KHK: variants seen among roughly 807,000 people sequenced by gnomAD.
KHK encodes the protein fructokinase.
Under a neutral mutation model 36.0 loss-of-function variants are expected in KHK, and 37 were observed. The observed-to-expected ratio is 1.03, with a 90% CI of 0.79 to 1.35. The LOEUF is 1.35. Among genes scored for constraint, KHK ranks in the 40% most tolerant of loss-of-function variants. The pLI, the probability that KHK is intolerant of heterozygous loss-of-function variation, is 0.00. For missense variants in KHK, 395 were observed against 391.9 expected (o/e 1.01, Z -0.07); for synonymous variants, 161 against 162.8 (o/e 0.99, Z 0.08).
At position 27,097,613 on chromosome 2, in the gene KHK, AGAG is replaced by A; in HGVS notation, c.532_534del (p.Glu178del). 1.2e-6 allele frequency: 2 copies of A among 1,614,148 alleles called. No individual in the cohort carries two copies. Among genetic ancestry groups the A allele is most frequent in the Non-Finnish European group, 1.7e-6 (2 of 1,180,052 alleles). ...TGTCCGTGGAGGTGGAGAAGCCACG[AGAG>A]GAGCTCTTCCAGCTGTTTGGCTACG... On this transcript the variant is annotated inframe_deletion, in exon 5 of 8. Transcript: ENST00000260598.
chr2:27,097,496 G>A lies in KHK; in HGVS notation c.418-7G>A. The A allele has an allele frequency of 6.2e-7, 1 of 1,613,336 alleles. No homozygotes were observed. Among genetic ancestry groups the A allele is most frequent in the South Asian group, 1.1e-5 (1 of 91,084 alleles). On this transcript the variant is annotated splice_region_variant and splice_polypyrimidine_tract_variant and intron_variant, in intron 4 of 7. Transcript: ENST00000260598. ...CAGCGGTCCTGAGCTGCCCTGTCCT[G>A]TACCAGGGCCGGAACGCATCGGAGC...
chr2:27,098,644 T>C (rs766461826), intron 5 of KHK, among the ~76,000 whole-genome samples: 15 of 152,192 alleles, frequency 9.9e-5, no homozygotes, highest in Non-Finnish European at 2.2e-4. Context: ...ACCAAAACTT[T>C]CTCTGGAGAT....
intron 2 of KHK, among the ~76,000 whole-genome samples, chr2:27,093,066 C>A (rs1289651005): frequency 6.6e-6 from 1 of 152,198 alleles, no homozygotes. Context: ...AGCCCTTTGA[C>A]CCCTGGCGCT....
At position 27,100,651 on chromosome 2, in the gene KHK, G is replaced by T; in HGVS notation, c.*901G>T. 1 of 1,060,564 alleles carries T rather than the reference G, an allele frequency of 9.4e-7. No homozygotes were observed. The highest frequency in any genetic ancestry group is 1.2e-6 in the Non-Finnish European group (1 of 815,944). The allele number at this position is 1,060,564 out of a possible 1,614,324, so 65.7% of individuals were successfully genotyped here. ...ATCACCTTAGGGTACAGCACTTAAC[G>T]CAATCTGCCTCAATTTCTTCATCTG... On this transcript the variant is annotated 3_prime_UTR_variant, in exon 8 of 8. Transcript: ENST00000260598.
Position 27,099,430 on chromosome 2 carries a change from G to C in KHK, c.664G>C (p.Val222Leu). The change falls in exon 7 of 8, where the codon GTC becomes CTC. Residue 222 changes from valine (V) to leucine (L), a missense_variant. Val to Leu is a conservative substitution (Grantham distance 32). Transcript: ENST00000260598. ...YGRVRKGAVL[V>L]CAWAEEGADA... ...GGAGCCGTCTTGCAGGGCTGTGCTTGTCTGTGCCTGGGCTGAGGAGGGCGC... is the reference window on the plus strand; with the variant it reads ...GGAGCCGTCTTGCAGGGCTGTGCTTCTCTGTGCCTGGGCTGAGGAGGGCGC... 2 of 1,613,954 alleles carry C rather than the reference G, an allele frequency of 1.2e-6. No individual in the cohort carries two copies. The highest frequency in any genetic ancestry group is 1.7e-6 in the Non-Finnish European group (2 of 1,179,894).
chr2:27,094,839 G>T lies in KHK; in HGVS notation c.249G>T (p.Val83=). Residue 83 remains valine, a synonymous_variant, in exon 3 of 8, where the codon GTG becomes GTT. Transcript: ENST00000260598. ...VADFRRRGVD[V]SQVAWQSKGD... ...ACTTCAGGCGGCGGGGCGTGGACGT[G>T]TCTCAGGTGGCCTGGCAGAGCAAGG... 1.2e-6 allele frequency: 2 copies of T among 1,614,038 alleles called. No homozygotes were observed. The highest frequency in any genetic ancestry group is 1.7e-6 in the Non-Finnish European group (2 of 1,180,050).
chr2:27,088,160 G>C (rs1033638120), intron 1 of KHK: 2 of 138,822 alleles, frequency 1.4e-5, no homozygotes, highest in Non-Finnish European at 3.0e-5. Flanking sequence ...CCAGGCTGGA[G>C]TGCAGTGGTG....
intron 1 of KHK, among the ~76,000 whole-genome samples, chr2:27,087,598 C>T (rs1275060801): frequency 1.3e-5 from 2 of 150,934 alleles, no homozygotes; most frequent in Non-Finnish European, 1.5e-5. Context: ...CATTTCAACT[C>T]AGGCATCAGG....
intron 1 of KHK, among the ~76,000 whole-genome samples, chr2:27,088,181 C>G (rs1423149327): frequency 1.4e-5 from 2 of 141,248 alleles, no homozygotes; most frequent in African/African-American, 2.6e-5. Context: ...CAACCATGCT[C>G]ACTGCAGCCT....
intron 3 of KHK, among the ~76,000 whole-genome samples, chr2:27,096,303 G>A (rs1053519110): frequency 6.6e-6 from 1 of 152,164 alleles, no homozygotes; most frequent in African/African-American, 2.4e-5. Context: ...CCCAACGCTG[G>A]GGCGCCAGAA....
intron 2 of KHK, chr2:27,094,526 G>A (rs187413849): frequency 9.3e-6 from 15 of 1,614,154 alleles, no homozygotes; most frequent in Middle Eastern, 1.7e-4. Flanking sequence ...ACGCTACACA[G>A]TCTTTCAGAC....
At chr2:27,099,611 G>C in intron 7 of KHK, 34 bp downstream of exon 7, 3 of 1,614,062 alleles carry the variant, frequency 1.9e-6, no homozygotes, top group Non-Finnish European at 2.5e-6. Flanking sequence ...AAAGGACTGG[G>C]ACCTGTCCCT....
At position 27,098,284 on chromosome 2, in the gene KHK, G is replaced by A. The variant is rs147375997; in HGVS notation, c.564+635G>A. On this transcript the variant is annotated intron_variant, in intron 5 of 7. Coordinates refer to ENST00000260598, the MANE Select transcript of KHK (RefSeq NM_006488.3). ...ACTTGTAATCCCAGAGCTTTGGGAA[G>A]CTGAGGTAGGAGGATTGCTTGATGC... 1.7e-4 allele frequency among the ~76,000 whole-genome samples: 26 copies of A among 152,216 alleles called. 1 individual carries two copies. Among genetic ancestry groups the A allele is most frequent in the African/African-American group, 6.3e-4 (26 of 41,530 alleles).
chr2:27,097,593 G>A lies in KHK; in HGVS notation c.508G>A (p.Val170Met), dbSNP rs371146138. ...TCCAGAGCAGAAGATCCGGGTGTCC[G>A]TGGAGGTGGAGAAGCCACGAGAGGA... ...QPPEQKIRVS[V>M]EVEKPREELF... The change falls in exon 5 of 8, where the codon GTG becomes ATG. Residue 170 changes from valine (V) to methionine (M), a missense_variant. Transcript: ENST00000260598. The A allele has an allele frequency of 1.9e-5, 31 of 1,613,974 alleles. No individual in the cohort carries two copies. The highest frequency in any genetic ancestry group is 5.3e-5 in the African/African-American group (4 of 74,948).
At chr2:27,094,392 G>C (rs1039946271) in intron 2 of KHK, 89 of 1,544,196 alleles carry the variant, frequency 5.8e-5, no homozygotes, top group Middle Eastern at 2.3e-4. Flanking sequence ...TGCCTTTCAG[G>C]GTCCCTAGTG....
chr2:27,087,008 G>T lies in KHK; in HGVS notation c.-252G>T. The T allele has an allele frequency of 2.4e-6, 1 of 419,532 alleles. No individual in the cohort carries two copies. The highest frequency in any genetic ancestry group is 4.3e-6 in the Non-Finnish European group (1 of 231,830). The allele number at this position is 419,532 out of a possible 1,614,324, so 26.0% of individuals were successfully genotyped here. Reference sequence around the variant, plus strand: ...TGCAGGCCCAGGCAACCTGCTACGGGAAGACCGGGGACCAAGACCTCTGGG... The same window carrying T: ...TGCAGGCCCAGGCAACCTGCTACGGTAAGACCGGGGACCAAGACCTCTGGG... On this transcript the variant is annotated 5_prime_UTR_variant, in exon 1 of 8. Coordinates refer to ENST00000260598, the MANE Select transcript of KHK (RefSeq NM_006488.3).
Position 27,099,744 on chromosome 2 carries a change from C to T in KHK, c.891C>T (p.Ile297=), listed in dbSNP as rs745505014. ...GTGGCCTGCAGGGCTTTGATGGCAT[C>T]GTGTGAGAGCAGGTGCCGGCTCCTC... ...KKCGLQGFDG[I]V is the part of the protein sequence containing the mutation. The change falls in exon 8 of 8, where the codon ATC becomes ATT. Residue 297 remains isoleucine (I), a synonymous_variant. Coordinates refer to ENST00000260598, the MANE Select transcript of KHK (RefSeq NM_006488.3). 1.4e-5 allele frequency: 23 copies of T among 1,613,886 alleles called. No individual in the cohort carries two copies. Among genetic ancestry groups the T allele is most frequent in the South Asian group, 5.5e-5 (5 of 91,064 alleles).
intron 1 of KHK, among the ~76,000 whole-genome samples, chr2:27,088,382 C>T (rs1258968475): frequency 1.3e-5 from 2 of 152,096 alleles, no homozygotes; most frequent in African/African-American, 2.4e-5. Flanking sequence ...ACTGGGATTA[C>T]AGGCATGAGC....
rs1063550 is a variant in KHK at position 27,094,859 on chromosome 2, G to A, written c.269G>A (p.Ser90Asn). The A allele has an allele frequency of 3.1e-6, 5 of 1,614,038 alleles. No homozygotes were observed. Among genetic ancestry groups the A allele is most frequent in the South Asian group, 1.1e-5 (1 of 91,090 alleles). Residue 90 changes from serine (S) to asparagine (N), a missense_variant, in exon 3 of 8, where the codon AGC (serine) becomes AAC (asparagine). Physicochemically the swap from Ser to Asn is conservative, Grantham distance 46 (BLOSUM62 1). Coordinates refer to ENST00000260598, the MANE Select transcript of KHK (RefSeq NM_006488.3). ...GACGTGTCTCAGGTGGCCTGGCAGA[G>A]CAAGGGGGACACCCCCAGCTCCTGC... ...GVDVSQVAWQSKGDTPSSCCI... is the reference protein window; with the variant it reads ...GVDVSQVAWQNKGDTPSSCCI...
Sources: gnomAD v4.1 joint callset for allele counts (sites outside exome capture counted in the v4.1 genomes callset) on GRCh38, gnomAD v4.1.1 for gene constraint, MANE v1.5 for transcripts, NCBI Gene and HGNC (gene_info 2026-07-23, HGNC 2026-07-21) for gene names.